The following CCDC180 variants were observed in gnomAD, a reference collection of about 807,000 sequenced individuals.
The protein encoded by CCDC180 is coiled-coil domain containing 180.
Under a neutral mutation model 209.2 loss-of-function variants are expected in CCDC180, and 154 were observed. The ratio of observed to expected loss-of-function variants is 0.74; its 90% CI spans 0.65 to 0.84. The LOEUF (loss-of-function observed/expected upper bound fraction) is 0.84, where lower values mean the gene tolerates loss of function less well. CCDC180 is among the 40% of genes least tolerant of loss of function. The pLI, the probability that CCDC180 is intolerant of heterozygous loss-of-function variation, is 0.00. For missense variants in CCDC180, 1,874 were observed against 1,997.3 expected (o/e 0.94, Z 1.18); for synonymous variants, 778 against 749.1 (o/e 1.04, Z -0.63).
chr9:97,320,027 C>A (rs1833304369), intron 10 of CCDC180, 99 bp from the exon 11 acceptor site: 1 of 916,390 alleles, frequency 1.1e-6, no homozygotes, highest in Non-Finnish European at 1.8e-6. Flanking sequence ...GTGTTTAAAT[C>A]CATGATTTTC....
chr9:97,340,892 G>A lies in CCDC180; in HGVS notation c.2275-2448G>A, dbSNP rs150244720. Among the ~76,000 whole-genome samples, 1,288 of 152,276 alleles carry A rather than the reference G, an allele frequency of 8.5e-3. 17 individuals are homozygous for A. The highest frequency in any genetic ancestry group is 0.029 in the African/African-American group (1,197 of 41,530). Reference sequence around the variant, plus strand: ...TAGTCAGGCTTGCCCACAGTTATCCGGAGGCCTAACCGTCTCCCTGTGATG... The same window carrying A: ...TAGTCAGGCTTGCCCACAGTTATCCAGAGGCCTAACCGTCTCCCTGTGATG... On this transcript the variant is annotated intron_variant, in intron 18 of 36. Transcript: ENST00000529487.
In CCDC180 at chr9:97,352,945, G is replaced by GTGTATA. The variant is rs1554731866; in HGVS notation, c.3003-1623_3003-1622insGTATAT. ...TTTGTAGATATATACATATACGTAT[G>GTGTATA]TATATATATATATATACACACACAC... On this transcript the variant is annotated intron_variant, in intron 22 of 36. Transcript: ENST00000529487. 8.7e-3 allele frequency among the ~76,000 whole-genome samples: 1,190 copies of GTGTATA among 136,368 alleles called. 15 individuals are homozygous for GTGTATA. The highest frequency in any genetic ancestry group is 0.03 in the African/African-American group (1,112 of 36,652). 89.5% of individuals were successfully genotyped at this position (136,368 alleles called of 152,430 possible).
intron 8 of CCDC180, 41 bp downstream of exon 8, chr9:97,314,987 G>T: frequency 6.5e-7 from 1 of 1,528,004 alleles, no homozygotes. Context: ...CATGGGAGAA[G>T]GGGCAGGACC....
chr9:97,339,526 C>T (rs1302587994), intron 18 of CCDC180, among the ~76,000 whole-genome samples: 1 of 152,178 alleles, frequency 6.6e-6, no homozygotes. Flanking sequence ...CTGAGAGATC[C>T]ACTGTTAGTC....
chr9:97,360,035 G>A lies in CCDC180; in HGVS notation c.3417G>A (p.Leu1139=). The change falls in exon 26 of 37, where the codon CTG becomes CTA. Residue 1139 remains leucine, a synonymous_variant. Transcript: ENST00000529487. ...LSFVQTWKEK[L]SQRIQYLNCS... ...TCGTCCAAACTTGGAAGGAAAAACT[G>A]AGCCAGAGGATTCAGTACCTTAACT... 1 of 1,613,986 alleles carries A rather than the reference G, an allele frequency of 6.2e-7. No homozygotes were observed. Among genetic ancestry groups the A allele is most frequent in the South Asian group, 1.1e-5 (1 of 91,076 alleles).
At chr9:97,363,522 A>C (rs1564174352) in intron 28 of CCDC180, 1 of 502,406 alleles carries the variant, frequency 2.0e-6, no homozygotes, top group South Asian at 1.5e-5. Flanking sequence ...AACAAAGTCC[A>C]TGTCACTAGG....
chr9:97,358,560 T>C (rs911586822), intron 25 of CCDC180, among the ~76,000 whole-genome samples: 2 of 152,142 alleles, frequency 1.3e-5, no homozygotes, highest in Non-Finnish European at 2.9e-5. Context: ...TCTCTGGTTG[T>C]CTATGTGCTG....
chr9:97,356,091 G>A (rs1826577122), intron 24 of CCDC180, among the ~76,000 whole-genome samples: 1 of 152,140 alleles, frequency 6.6e-6, no homozygotes, highest in African/African-American at 2.4e-5. Flanking sequence ...CTGATGGGGA[G>A]AGAATCATGG....
At chr9:97,321,064 C>A (rs1400652505) in intron 11 of CCDC180, among the ~76,000 whole-genome samples, 1 of 152,148 alleles carries the variant, frequency 6.6e-6, no homozygotes, top group African/African-American at 2.4e-5. Flanking sequence ...TCCCAGTCAG[C>A]CCCCCAAGAT....
In CCDC180 at chr9:97,328,074, C is replaced by G; in HGVS notation, c.1716C>G (p.Ile572Met). 5.0e-6 allele frequency: 8 copies of G among 1,614,092 alleles called. No individual in the cohort carries two copies. Among genetic ancestry groups the G allele is most frequent in the Middle Eastern group, 1.7e-4 (1 of 6,058 alleles). ...AGGAAGTGATGGAGTACCCAGCGAT[C>G]ATGCTGAAAGAACTCAACTCCTACA... ...LTKEVMEYPAIMLKELNSYSS... is the reference protein window; with the variant it reads ...LTKEVMEYPAMMLKELNSYSS... Residue 572 changes from isoleucine (I) to methionine (M), a missense_variant, in exon 16 of 37, where the codon ATC becomes ATG. Coordinates refer to ENST00000529487, the MANE Select transcript of CCDC180 (RefSeq NM_020893.6).
At position 97,322,902 on chromosome 9, in the gene CCDC180, T is replaced by TG. The variant is rs769329391; in HGVS notation, c.1230dup (p.His411AlafsTer6). On this transcript the variant is annotated frameshift_variant, in exon 12 of 37. Transcript: ENST00000529487. LOFTEE classifies it high-confidence loss of function. ...GAGAAGACATGGCAGGAGTGCCTGA[T>TG]GCATGTGCAGAATTGTAAGGTGGGC... is the stretch of plus-strand genomic sequence containing the variant. The TG allele has an allele frequency of 6.2e-7, 1 of 1,614,064 alleles. No individual in the cohort carries two copies. The highest frequency in any genetic ancestry group is 1.3e-5 in the African/African-American group (1 of 75,042).
At chr9:97,370,216 G>A in intron 32 of CCDC180, 134 bp downstream of exon 32, 1 of 926,736 alleles carries the variant, frequency 1.1e-6, no homozygotes, top group Non-Finnish European at 1.6e-6. Flanking sequence ...GATGGGGGCT[G>A]AGGGACAGGA....
At chr9:97,314,579 C>G in intron 6 of CCDC180, 39 bp from the exon 7 acceptor site, 1 of 1,613,328 alleles carries the variant, frequency 6.2e-7, no homozygotes. Flanking sequence ...TTCCCTGCCT[C>G]CCACCGGCTC....
intron 28 of CCDC180, among the ~76,000 whole-genome samples, chr9:97,362,809 A>T (rs912488469): frequency 6.6e-6 from 1 of 152,218 alleles, no homozygotes; most frequent in Non-Finnish European, 1.5e-5. Flanking sequence ...TGGAAGGTGC[A>T]TATCAGAAGC....
chr9:97,354,944 A>G lies in CCDC180; in HGVS notation c.3200A>G (p.Asp1067Gly), dbSNP rs1373614656. ...FESKFHNLSV[D>G]LIFIEKIQRL... ...AGCAAATTCCATAACCTGTCTGTGGACCTTATTTTCATAGAGAAAATCCAG... is the reference window on the plus strand; with the variant it reads ...AGCAAATTCCATAACCTGTCTGTGGGCCTTATTTTCATAGAGAAAATCCAG... Residue 1067 changes from aspartate (D) to glycine (G), a missense_variant, in exon 24 of 37, where the codon GAC becomes GGC. Asp to Gly is a moderately conservative substitution (Grantham distance 94). Coordinates refer to ENST00000529487, the MANE Select transcript of CCDC180 (RefSeq NM_020893.6). 3 of 1,614,066 alleles carry G rather than the reference A, an allele frequency of 1.9e-6. No homozygotes were observed. The East Asian group carries it at 6.7e-5, about 36-fold the overall frequency.
intron 18 of CCDC180, among the ~76,000 whole-genome samples, chr9:97,334,075 A>G (rs927806086): frequency 7.2e-5 from 11 of 152,190 alleles, no homozygotes; most frequent in African/African-American, 2.7e-4. Flanking sequence ...TTTACTTATT[A>G]CAAAGTATTT....
At chr9:97,352,933 A>T (rs1826460906) in intron 22 of CCDC180, among the ~76,000 whole-genome samples, 1 of 149,628 alleles carries the variant, frequency 6.7e-6, no homozygotes, top group Non-Finnish European at 1.5e-5. Flanking sequence ...GTAGATATAT[A>T]CATATACGTA....
intron 14 of CCDC180, among the ~76,000 whole-genome samples, chr9:97,325,536 T>G (rs1299543079): frequency 6.6e-6 from 1 of 152,114 alleles, no homozygotes; most frequent in Non-Finnish European, 1.5e-5. Flanking sequence ...AAGGAATACA[T>G]CCACAGGGAG....
At position 97,351,737 on chromosome 9, in the gene CCDC180, C is replaced by T. The variant is rs138073020; in HGVS notation, c.3002+1182C>T. On this transcript the variant is annotated intron_variant, in intron 22 of 36. Coordinates refer to ENST00000529487, the MANE Select transcript of CCDC180 (RefSeq NM_020893.6). ...TAGTATACATGCTGACCCACAGCCC[C>T]CCACTACCAGCATCACCAAATCATG... 2.4e-4 allele frequency among the ~76,000 whole-genome samples: 36 copies of T among 152,200 alleles called. 1 individual carries two copies. The East Asian group carries it at 6.2e-3, about 26-fold the overall frequency.
Sources: gnomAD v4.1 joint callset for allele counts (sites outside exome capture counted in the v4.1 genomes callset) on GRCh38, gnomAD v4.1.1 for gene constraint, MANE v1.5 for transcripts, NCBI Gene and HGNC (gene_info 2026-07-23, HGNC 2026-07-21) for gene names.